The following GABRA5 variants were observed in gnomAD, a reference collection of about 807,000 sequenced individuals.
The protein encoded by GABRA5 is gamma-aminobutyric acid receptor subunit alpha-5.
GABRA5 carries 18 observed loss-of-function variants against 47.3 expected under a neutral mutation model. The observed-to-expected ratio is 0.38, with a 90% CI of 0.26 to 0.56. The LOEUF is 0.56. GABRA5 is among the 20% of genes least tolerant of loss of function. The probability of loss-of-function intolerance (pLI) is 0.71; values close to 1 mark genes in which losing one functional copy is unlikely to be tolerated. For synonymous variants in GABRA5, 237 were observed against 229.3 expected (o/e 1.03, Z -0.30); for missense variants, 365 against 599.3 (o/e 0.61, Z 4.08).
intron 10 of GABRA5, among the ~76,000 whole-genome samples, chr15:26,943,940 T>C (rs1894449829): frequency 6.6e-6 from 1 of 152,158 alleles, no homozygotes; most frequent in Non-Finnish European, 1.5e-5. Context: ...TAAAGGATGA[T>C]TTATGCCCAA....
At chr15:26,898,206 A>T (rs1893244605) in intron 6 of GABRA5, among the ~76,000 whole-genome samples, 1 of 152,220 alleles carries the variant, frequency 6.6e-6, no homozygotes, top group Admixed American at 6.5e-5. Context: ...TCAAGTTTCC[A>T]AGTATGGAAA....
intron 3 of GABRA5, among the ~76,000 whole-genome samples, chr15:26,879,317 CCTT>C (rs1038217679): frequency 5.3e-5 from 8 of 152,178 alleles, no homozygotes; most frequent in African/African-American, 1.4e-4. Context: ...CAAAATATAA[CCTT>C]CTTTTTTCCC....
At chr15:26,877,829 T>C (rs1454031991) in intron 3 of GABRA5, 2 of 350,086 alleles carry the variant, frequency 5.7e-6, no homozygotes, top group South Asian at 2.2e-5. Flanking sequence ...AGACTAAAAT[T>C]GAAGGGTAAG....
At chr15:26,945,409 T>C (rs1038346120) in intron 10 of GABRA5, among the ~76,000 whole-genome samples, 1 of 152,134 alleles carries the variant, frequency 6.6e-6, no homozygotes, top group Non-Finnish European at 1.5e-5. Context: ...GGGTCAGAGT[T>C]TGGGGTGTAA....
intron 6 of GABRA5, among the ~76,000 whole-genome samples, chr15:26,910,821 C>A (rs945469875): frequency 6.6e-6 from 1 of 151,904 alleles, no homozygotes; most frequent in Non-Finnish European, 1.5e-5. Flanking sequence ...TTTTCTTTAT[C>A]GAAAAAGTGA....
chr15:26,934,510 C>T lies in GABRA5; in HGVS notation c.581-2675C>T, dbSNP rs140319999. On this transcript the variant is annotated intron_variant, in intron 7 of 10. Coordinates refer to ENST00000335625, the MANE Select transcript of GABRA5 (RefSeq NM_000810.4). ...GTAAATTAAAGTAGAAAGACCTTTTCGGATTTGACACCAAGCAAAAATCAT... is the reference window on the plus strand; with the variant it reads ...GTAAATTAAAGTAGAAAGACCTTTTTGGATTTGACACCAAGCAAAAATCAT... Among the ~76,000 whole-genome samples the T allele has an allele frequency of 8.3e-4, 126 of 152,272 alleles. 1 individual carries two copies. The East Asian group carries it at 0.022, about 27-fold the overall frequency.
At chr15:26,910,176 A>G (rs1299861147) in intron 6 of GABRA5, among the ~76,000 whole-genome samples, 5 of 152,060 alleles carry the variant, frequency 3.3e-5, no homozygotes, top group Non-Finnish European at 7.4e-5. Context: ...GAATTTGGCC[A>G]TTTTACCCAT....
intron 3 of GABRA5, among the ~76,000 whole-genome samples, chr15:26,872,262 T>G (rs1472330756): frequency 6.6e-6 from 1 of 152,226 alleles, no homozygotes; most frequent in Non-Finnish European, 1.5e-5. Flanking sequence ...TCTTTATGTT[T>G]CGTGTTTTGG....
intron 7 of GABRA5, among the ~76,000 whole-genome samples, chr15:26,926,483 T>C (rs933263891): frequency 6.6e-6 from 1 of 152,192 alleles, no homozygotes. Flanking sequence ...ATACATTTAT[T>C]TGAGGAGGCC....
In GABRA5 at chr15:26,883,227, G is replaced by A. The variant is rs1229491942; in HGVS notation, c.270G>A (p.Thr90=). Residue 90 remains threonine, a synonymous_variant, in exon 5 of 11, where the codon ACG becomes ACA. Transcript: ENST00000335625. The surrounding 1 kb of genome is among the most constrained non-coding windows in gnomAD (Gnocchi z 4.8). ...CCAGCTTCGGCCCGGTGTCCGACAC[G>A]GAAATGGTAGGTCCCGGGGCATGGC... ...YVTSFGPVSD[T]EMEYTIDVFF... is the part of the protein sequence containing the mutation. The A allele has an allele frequency of 1.9e-6, 3 of 1,613,880 alleles. No individual in the cohort carries two copies. Among genetic ancestry groups the A allele is most frequent in the Middle Eastern group, 1.7e-4 (1 of 6,060 alleles).
At chr15:26,912,552 A>C (rs1241989959) in intron 6 of GABRA5, among the ~76,000 whole-genome samples, 1 of 152,236 alleles carries the variant, frequency 6.6e-6, no homozygotes, top group African/African-American at 2.4e-5. Flanking sequence ...GAAGAGGTCA[A>C]TTGCAGGTTA....
At chr15:26,914,516 A>C (rs918530525) in intron 6 of GABRA5, among the ~76,000 whole-genome samples, 18 of 152,242 alleles carry the variant, frequency 1.2e-4, no homozygotes, top group Non-Finnish European at 2.6e-4. Flanking sequence ...GAAACAAAGA[A>C]TAAATAACTT....
chr15:26,870,489 A>G (rs1166928977), intron 3 of GABRA5, among the ~76,000 whole-genome samples: 2 of 152,162 alleles, frequency 1.3e-5, no homozygotes, highest in Non-Finnish European at 2.9e-5. Flanking sequence ...TCCCTCACCA[A>G]CAGAAGCCAG....
intron 7 of GABRA5, among the ~76,000 whole-genome samples, chr15:26,928,722 T>C (rs1383486008): frequency 6.6e-6 from 1 of 152,184 alleles, no homozygotes; most frequent in African/African-American, 2.4e-5. Context: ...TTGGCTGTTA[T>C]AACAGAATAC....
intron 6 of GABRA5, among the ~76,000 whole-genome samples, chr15:26,888,764 CA>C (rs1425423740): frequency 6.6e-6 from 1 of 152,240 alleles, no homozygotes; most frequent in Non-Finnish European, 1.5e-5. Flanking sequence ...GCCATCTTCC[CA>C]CACCTTCTAA....
chr15:26,937,089 T>C (rs1225216704), intron 7 of GABRA5, 96 bp from the exon 8 acceptor site: 5 of 1,460,288 alleles, frequency 3.4e-6, no homozygotes, highest in Non-Finnish European at 4.8e-6. Context: ...TCAAACGTTC[T>C]CATCCTCTCT....
chr15:26,939,625 A>C, intron 8 of GABRA5: 1 of 600,584 alleles, frequency 1.7e-6, no homozygotes, highest in South Asian at 2.0e-5. Context: ...CAGGCGAGGG[A>C]GTGGGGGGAG....
chr15:26,926,282 A>G (rs1893960971), intron 7 of GABRA5, among the ~76,000 whole-genome samples: 1 of 152,150 alleles, frequency 6.6e-6, no homozygotes, highest in Non-Finnish European at 1.5e-5. Flanking sequence ...ACCTCATAGC[A>G]GGCATTCTGC....
intron 3 of GABRA5, 60 bp from the exon 4 acceptor site, chr15:26,880,786 G>C: frequency 6.4e-7 from 1 of 1,574,610 alleles, no homozygotes; most frequent in Admixed American, 1.7e-5. Context: ...TCTGTATCTT[G>C]AGAAGAATTT....
Sources: allele counts gnomAD v4.1 joint callset (sites outside exome capture counted in the v4.1 genomes callset), GRCh38; gene constraint gnomAD v4.1.1; non-coding constraint Gnocchi (gnomAD v3.1); transcripts MANE v1.5; gene names NCBI Gene and HGNC (gene_info 2026-07-23, HGNC 2026-07-21).